OPCML: variants seen among roughly 807,000 people sequenced by gnomAD.
OPCML encodes the protein opioid-binding protein/cell adhesion molecule.
In OPCML, 13 loss-of-function variants were observed where a neutral mutation model predicts 37.8. The observed-to-expected ratio is 0.34, with a 90% confidence interval of 0.22 to 0.55. The LOEUF (loss-of-function observed/expected upper bound fraction) is 0.55, where lower values mean the gene tolerates loss of function less well. OPCML is among the 20% of genes least tolerant of loss of function. The probability of loss-of-function intolerance (pLI) is 0.91; values close to 1 mark genes in which losing one functional copy is unlikely to be tolerated. For missense variants in OPCML, 341 were observed against 435.6 expected (o/e 0.78, Z 1.93); for synonymous variants, 176 against 168.8 (o/e 1.04, Z -0.33).
intron 1 of OPCML, among the ~76,000 whole-genome samples, chr11:133,185,659 TA>T (rs916788469): frequency 1.3e-5 from 2 of 152,208 alleles, no homozygotes; most frequent in African/African-American, 4.8e-5. Flanking sequence ...AAAAATGGCA[TA>T]TTTTGGTTCT....
intron 1 of OPCML, among the ~76,000 whole-genome samples, chr11:133,513,601 A>C (rs753272743): frequency 3.3e-5 from 5 of 152,218 alleles, no homozygotes; most frequent in Non-Finnish European, 7.3e-5. Flanking sequence ...CTGCAGAGGC[A>C]GTACATTGTG....
intron 2 of OPCML, among the ~76,000 whole-genome samples, chr11:132,791,714 C>G (rs1260165185): frequency 1.3e-5 from 2 of 152,094 alleles, no homozygotes; most frequent in African/African-American, 4.8e-5. Context: ...GGCACAGCTT[C>G]CCCCCAAAAC....
chr11:133,063,848 C>T (rs2136994680), intron 1 of OPCML, among the ~76,000 whole-genome samples: 1 of 152,292 alleles, frequency 6.6e-6, no homozygotes, highest in South Asian at 2.1e-4. Flanking sequence ...AGGGGTGAGC[C>T]ACTGAGCCCA....
At chr11:132,776,154 C>T (rs545450554) in intron 2 of OPCML, among the ~76,000 whole-genome samples, 1 of 152,294 alleles carries the variant, frequency 6.6e-6, no homozygotes, top group South Asian at 2.1e-4. Flanking sequence ...GCCTAGAACT[C>T]CTGTCCTCAG....
intron 1 of OPCML, chr11:133,300,626 A>G (rs1942753764): frequency 6.6e-6 from 1 of 152,212 alleles, no homozygotes; most frequent in Non-Finnish European, 1.5e-5. Flanking sequence ...TATCTTCTAA[A>G]GATATCAGGC....
At chr11:132,942,122 A>G (rs1945599654) in intron 2 of OPCML, among the ~76,000 whole-genome samples, 3 of 152,112 alleles carry the variant, frequency 2.0e-5, no homozygotes, top group Non-Finnish European at 4.4e-5. Flanking sequence ...ATAAAAGATG[A>G]TATCTGCTGA....
rs1480704439 is a variant in OPCML at position 133,113,099 on chromosome 11, T to TG, written c.62-170090dup. Reference sequence around the variant, plus strand: ...ATTTAAAAATAACTCATTTAAAGCCTGGTGACAGTGCTGGGTCTGTTCCTA... The same window carrying TG: ...ATTTAAAAATAACTCATTTAAAGCCTGGGTGACAGTGCTGGGTCTGTTCCTA... On this transcript the variant is annotated intron_variant, in intron 1 of 7. Transcript: ENST00000524381. Among the ~76,000 whole-genome samples, 19 of 152,338 alleles carry TG rather than the reference T, an allele frequency of 1.2e-4. No homozygotes were observed. In the South Asian group the frequency reaches 3.3e-3, roughly 27 times the overall value.
At chr11:133,102,576 T>A (rs975339840) in intron 1 of OPCML, among the ~76,000 whole-genome samples, 24 of 152,020 alleles carry the variant, frequency 1.6e-4, no homozygotes, top group African/African-American at 5.5e-4. Flanking sequence ...GTGAAACCCT[T>A]CTCTACTAAA....
chr11:133,083,447 A>AC (rs1948772279), intron 1 of OPCML, among the ~76,000 whole-genome samples: 3 of 151,000 alleles, frequency 2.0e-5, no homozygotes, highest in Non-Finnish European at 4.4e-5. Context: ...ACCCCACCCC[A>AC]CCCCAGCCTG....
chr11:132,731,973 G>A (rs916490318), intron 2 of OPCML, among the ~76,000 whole-genome samples: 1 of 152,116 alleles, frequency 6.6e-6, no homozygotes, highest in Non-Finnish European at 1.5e-5. Context: ...TACGTACTAA[G>A]AGAATGGATT....
Position 133,512,577 on chromosome 11 carries a change from A to T in OPCML, c.61+19687T>A, listed in dbSNP as rs186618886. Among the ~76,000 whole-genome samples, 9 of 152,274 alleles carry T rather than the reference A, an allele frequency of 5.9e-5. No individual in the cohort carries two copies. The East Asian group carries it at 1.7e-3, about 29-fold the overall frequency. Reference sequence around the variant, plus strand: ...CTTCAGTCCCTCTCCCCTATTCCCAAATCTCAGGGGAACAACTGGAAGTCC... The same window carrying T: ...CTTCAGTCCCTCTCCCCTATTCCCATATCTCAGGGGAACAACTGGAAGTCC... On this transcript the variant is annotated intron_variant, in intron 1 of 7. Coordinates refer to ENST00000524381, the MANE Select transcript of OPCML (RefSeq NM_001012393.5).
At chr11:133,259,471 C>G (rs924939571) in intron 1 of OPCML, among the ~76,000 whole-genome samples, 1 of 152,146 alleles carries the variant, frequency 6.6e-6, no homozygotes, top group Non-Finnish European at 1.5e-5. Flanking sequence ...CTAGGCCACC[C>G]AGAACAGTAT....
intron 3 of OPCML, among the ~76,000 whole-genome samples, chr11:132,616,440 A>G (rs1371073600): frequency 6.6e-6 from 1 of 152,208 alleles, no homozygotes; most frequent in African/African-American, 2.4e-5. Flanking sequence ...TTACTGTCAT[A>G]ATTTTGCAAA....
chr11:133,473,316 T>G (rs1947157596), intron 1 of OPCML, among the ~76,000 whole-genome samples: 1 of 152,204 alleles, frequency 6.6e-6, no homozygotes, highest in Non-Finnish European at 1.5e-5. Flanking sequence ...AAACACATTG[T>G]GTCTGATAAA....
chr11:133,529,213 C>G (rs1430086684), intron 1 of OPCML, among the ~76,000 whole-genome samples: 1 of 152,242 alleles, frequency 6.6e-6, no homozygotes, highest in Non-Finnish European at 1.5e-5. Context: ...GATGCTAGTT[C>G]AAAATGCTTC....
intron 3 of OPCML, among the ~76,000 whole-genome samples, chr11:132,642,693 C>T (rs1473926775): frequency 1.3e-5 from 2 of 152,132 alleles, no homozygotes; most frequent in Non-Finnish European, 2.9e-5. Context: ...GAGGGTTGCA[C>T]CTTAATGCCC....
chr11:132,487,785 G>A (rs1472475263), intron 4 of OPCML, among the ~76,000 whole-genome samples: 4 of 152,088 alleles, frequency 2.6e-5, no homozygotes, highest in Admixed American at 6.5e-5. Context: ...TTAAGCAGTG[G>A]GCCTATGCAC....
chr11:133,460,413 A>C (rs779443723), intron 1 of OPCML, among the ~76,000 whole-genome samples: 82 of 151,930 alleles, frequency 5.4e-4, no homozygotes, highest in Non-Finnish European at 9.7e-4. Context: ...AAATCAGTAA[A>C]ATAAAGAGTT....
chr11:133,326,494 G>A (rs1943460852), intron 1 of OPCML, among the ~76,000 whole-genome samples: 1 of 145,666 alleles, frequency 6.9e-6, no homozygotes, highest in Non-Finnish European at 1.5e-5. Context: ...GGGGGTGTGG[G>A]TGTGTGTATG....
Sources: gnomAD v4.1 joint callset for allele counts (sites outside exome capture counted in the v4.1 genomes callset) on GRCh38, gnomAD v4.1.1 for gene constraint, MANE v1.5 for transcripts, NCBI Gene and HGNC (gene_info 2026-07-23, HGNC 2026-07-21) for gene names.